Variants in CROCC2 observed in about 807,000 individuals in gnomAD.
The protein encoded by CROCC2 is ciliary rootlet coiled-coil, rootletin family member 2.
A neutral mutation model predicts 177.6 loss-of-function variants in CROCC2; 163 were observed. The ratio of observed to expected loss-of-function variants is 0.92; its 90% confidence interval spans 0.81 to 1.05. The LOEUF (loss-of-function observed/expected upper bound fraction) is 1.05. Ranked by LOEUF, CROCC2 falls within the 50% of genes least tolerant of loss-of-function variation. CROCC2 has a pLI of 0.00. For synonymous variants in CROCC2, 904 were observed against 787.3 expected (o/e 1.15, Z -2.48); for missense variants, 1,929 against 1,797.8 (o/e 1.07, Z -1.32).
intron 27 of CROCC2, among the ~76,000 whole-genome samples, chr2:240,981,043 C>T (rs1273651866): frequency 8.6e-6 from 1 of 116,384 alleles, no homozygotes; most frequent in East Asian, 3.5e-4. Context: ...AGCCCAGGCT[C>T]ATCCCTGCTC....
chr2:240,950,801 G>C, intron 18 of CROCC2: 1 of 384,710 alleles, frequency 2.6e-6, no homozygotes, highest in Non-Finnish European at 4.6e-6. Context: ...CCCTCCATCT[G>C]TCCATTCATA....
chr2:240,965,335 C>A, intron 22 of CROCC2, 46 bp from the exon 23 acceptor site: 1 of 1,544,538 alleles, frequency 6.5e-7, no homozygotes, highest in Non-Finnish European at 8.7e-7. Context: ...GCCTGGGTTC[C>A]AGCACAGAGA....
At chr2:240,968,435 G>A (rs1335394394) in intron 27 of CROCC2, among the ~76,000 whole-genome samples, 173 bp downstream of exon 27, 1 of 152,250 alleles carries the variant, frequency 6.6e-6, no homozygotes, top group Non-Finnish European at 1.5e-5. Context: ...GGGCAGAGGT[G>A]CAGGCTGGGC....
At chr2:240,985,618 T>C (rs1157596611) in intron 28 of CROCC2, among the ~76,000 whole-genome samples, 17 of 54,408 alleles carry the variant, frequency 3.1e-4, no homozygotes, top group East Asian at 1.3e-3. Flanking sequence ...ACCCAGACAC[T>C]CACTCCACAC....
At chr2:240,940,423 T>C (rs546553444) in intron 14 of CROCC2, among the ~76,000 whole-genome samples, 2 of 152,340 alleles carry the variant, frequency 1.3e-5, no homozygotes, top group South Asian at 4.1e-4. Context: ...TTATGCTTAG[T>C]GTTTCCGTGG....
chr2:240,930,860 G>A, intron 6 of CROCC2, 71 bp from the exon 7 acceptor site: 2 of 628,964 alleles, frequency 3.2e-6, no homozygotes, highest in South Asian at 1.8e-5. Flanking sequence ...CCTCTGTGGG[G>A]CTGATGGGAC....
rs1233936299 is a variant in CROCC2, at chr2:240,960,948, TG to T, written c.3087+1509del. Among the ~76,000 whole-genome samples the T allele has an allele frequency of 1.5e-5, 1 of 67,920 alleles. No individual in the cohort carries two copies. Among genetic ancestry groups the T allele is most frequent in the Non-Finnish European group, 3.0e-5 (1 of 32,852 alleles). The allele number at this position is 67,920 out of a possible 152,430, so 44.6% of individuals were successfully genotyped here. On this transcript the variant is annotated intron_variant, in intron 20 of 31. Coordinates refer to ENST00000690015, the MANE Select transcript of CROCC2 (RefSeq NM_001351305.2). This position sits in a 1 kb window ranked among gnomAD's most constrained non-coding sequence, Gnocchi z 5.0. ...GGGGGAGGGGGAGGTGTGGAGAGGG[TG>T]GGGGTGCATTGGTTCTGCTGGCCTC...
chr2:240,946,298 C>A, intron 15 of CROCC2, 45 bp downstream of exon 15: 2 of 1,478,728 alleles, frequency 1.4e-6, no homozygotes, highest in Non-Finnish European at 1.8e-6. Flanking sequence ...CGTGTCCTTG[C>A]CCACAGAGAG....
chr2:240,930,484 C>G (rs1222407707), intron 6 of CROCC2, among the ~76,000 whole-genome samples: 1 of 152,086 alleles, frequency 6.6e-6, no homozygotes. Flanking sequence ...GAAGGACAAA[C>G]AGGCCAGGGA....
chr2:240,962,865 A>G (rs2059652680), intron 20 of CROCC2, among the ~76,000 whole-genome samples: 1 of 151,986 alleles, frequency 6.6e-6, no homozygotes, highest in South Asian at 2.1e-4. Context: ...CCAGGCTGCA[A>G]CTGTCCTCCG....
At chr2:240,983,079 C>A in intron 28 of CROCC2, 50 bp downstream of exon 28, 1 of 1,511,670 alleles carries the variant, frequency 6.6e-7, no homozygotes, top group Non-Finnish European at 8.9e-7. Context: ...AGGCGGTGAA[C>A]AGGCCTACAG....
intron 20 of CROCC2, 129 bp downstream of exon 20, chr2:240,959,573 G>T: frequency 8.0e-7 from 1 of 1,246,438 alleles, no homozygotes. Context: ...GGGAAGAGTA[G>T]TCCCTGGGAC....
At chr2:240,981,384 G>A (rs992408551) in intron 27 of CROCC2, 1 of 152,280 alleles carries the variant, frequency 6.6e-6, no homozygotes, top group African/African-American at 2.4e-5. Flanking sequence ...CCCTCAGACT[G>A]AATCCACGTT....
chr2:240,962,536 A>G (rs1488580497), intron 20 of CROCC2, among the ~76,000 whole-genome samples: 1 of 152,088 alleles, frequency 6.6e-6, no homozygotes, highest in East Asian at 1.9e-4. Context: ...AAACAGAACA[A>G]CAATAACAGC....
chr2:240,927,272 C>T (rs1474049614), intron 5 of CROCC2, among the ~76,000 whole-genome samples: 3 of 152,126 alleles, frequency 2.0e-5, no homozygotes, highest in African/African-American at 4.8e-5. Flanking sequence ...GTTGTGTCTG[C>T]GTGTAGATTT....
intron 3 of CROCC2, among the ~76,000 whole-genome samples, chr2:240,921,363 A>G (rs1010923712): frequency 6.6e-6 from 1 of 152,026 alleles, no homozygotes. Context: ...GGTCCACCCC[A>G]CCTGATGGGG....
chr2:240,945,621 G>A (rs571707829), intron 14 of CROCC2, among the ~76,000 whole-genome samples: 1 of 152,208 alleles, frequency 6.6e-6, no homozygotes, highest in Admixed American at 6.5e-5. Flanking sequence ...GGTCCCAGCT[G>A]TCTGTTCAGC....
rs770552920 is a variant in CROCC2, at chr2:240,946,782, G to A, written c.2363+529G>A. 1.2e-4 allele frequency among the ~76,000 whole-genome samples: 18 copies of A among 152,340 alleles called. No homozygotes were observed. In the East Asian group the frequency reaches 2.1e-3, roughly 18 times the overall value. On this transcript the variant is annotated intron_variant, in intron 15 of 31. Transcript: ENST00000690015. ...GGCCTGAGAGCGGCTGCCATGGGCCGTCTTGAGCTGTGTGACATCCCTGTA... is the reference window on the plus strand; with the variant it reads ...GGCCTGAGAGCGGCTGCCATGGGCCATCTTGAGCTGTGTGACATCCCTGTA...
At chr2:240,931,882 G>A (rs1453122309) in intron 7 of CROCC2, among the ~76,000 whole-genome samples, 2 of 152,274 alleles carry the variant, frequency 1.3e-5, no homozygotes, top group Non-Finnish European at 2.9e-5. Context: ...ACCAGGGCCT[G>A]AGCCACAGGA....
Sources: allele counts gnomAD v4.1 joint callset (sites outside exome capture counted in the v4.1 genomes callset), GRCh38; gene constraint gnomAD v4.1.1; non-coding constraint Gnocchi (gnomAD v3.1); transcripts MANE v1.5; gene names NCBI Gene and HGNC (gene_info 2026-07-23, HGNC 2026-07-21).